FMNL2: variants seen among roughly 807,000 people sequenced by gnomAD.
The protein encoded by FMNL2 is formin like 2.
A neutral mutation model predicts 130.2 loss-of-function variants in FMNL2; 51 were observed. That is an observed-to-expected ratio of 0.39 (90% confidence interval 0.31 to 0.49). FMNL2 has a LOEUF of 0.49. FMNL2 is among the 20% of genes least tolerant of loss of function. FMNL2 has a pLI of 0.85. For missense variants in FMNL2, 977 were observed against 1,316.2 expected (o/e 0.74, Z 3.99); for synonymous variants, 465 against 467.1 (o/e 1.00, Z 0.06).
At chr2:152,506,551 A>G (rs1692180975) in intron 1 of FMNL2, among the ~76,000 whole-genome samples, 2 of 152,146 alleles carry the variant, frequency 1.3e-5, no homozygotes, top group Non-Finnish European at 2.9e-5. Flanking sequence ...TTTTTGATCC[A>G]TGGTTGGTTG....
intron 1 of FMNL2, among the ~76,000 whole-genome samples, chr2:152,379,269 A>G (rs999796949): frequency 6.6e-6 from 1 of 152,154 alleles, no homozygotes; most frequent in Admixed American, 6.5e-5. Flanking sequence ...TAGGGATGCA[A>G]AGTTACAGCT....
intron 3 of FMNL2, among the ~76,000 whole-genome samples, chr2:152,546,147 C>T (rs1260058583): frequency 1.3e-5 from 2 of 152,114 alleles, no homozygotes; most frequent in Non-Finnish European, 2.9e-5. Context: ...TAAGGGATGA[C>T]CTTGCCCCGA....
intron 1 of FMNL2, among the ~76,000 whole-genome samples, chr2:152,478,231 T>C (rs941336961): frequency 7.2e-5 from 8 of 111,668 alleles, no homozygotes; most frequent in Admixed American, 2.2e-4. Flanking sequence ...CATATATACA[T>C]ATATATATAT....
chr2:152,644,231 A>AAAC (rs1449509707), intron 25 of FMNL2, among the ~76,000 whole-genome samples: 2 of 152,214 alleles, frequency 1.3e-5, no homozygotes, highest in East Asian at 3.9e-4. Context: ...AAAAAAACAA[A>AAAC]AACAAAAAAC....
chr2:152,644,970 A>G (rs941927363), intron 25 of FMNL2, among the ~76,000 whole-genome samples: 2 of 152,236 alleles, frequency 1.3e-5, no homozygotes, highest in Non-Finnish European at 2.9e-5. Context: ...GGACGTAGCC[A>G]TTGACTCCTG....
chr2:152,626,400 G>A, intron 16 of FMNL2, 125 bp from the exon 17 acceptor site: 1 of 734,242 alleles, frequency 1.4e-6, no homozygotes, highest in Non-Finnish European at 2.2e-6. Context: ...AATAGAGGAA[G>A]CCATGGCCAA....
At chr2:152,504,661 A>G (rs1480902031) in intron 1 of FMNL2, among the ~76,000 whole-genome samples, 2 of 152,140 alleles carry the variant, frequency 1.3e-5, no homozygotes, top group Non-Finnish European at 2.9e-5. Flanking sequence ...TGGGTTGTTT[A>G]CTGAATGTAA....
chr2:152,523,873 C>T (rs553311668), intron 2 of FMNL2, among the ~76,000 whole-genome samples: 56 of 152,232 alleles, frequency 3.7e-4, no homozygotes, highest in African/African-American at 1.2e-3. Flanking sequence ...GTGCTTGAAA[C>T]GTGCTTATTG....
At chr2:152,408,407 T>C (rs1302096183) in intron 1 of FMNL2, among the ~76,000 whole-genome samples, 1 of 152,102 alleles carries the variant, frequency 6.6e-6, no homozygotes, top group South Asian at 2.1e-4. Flanking sequence ...TTCCAGGGAG[T>C]GAGAATTGAA....
rs760047093 is a variant in FMNL2, at chr2:152,648,664, A to G, written c.*759A>G. ...GTAATCAGCATTAGCATTTCTGAGGACCATTATTAATTCTGAGAACAGAAA... is the reference window on the plus strand; with the variant it reads ...GTAATCAGCATTAGCATTTCTGAGGGCCATTATTAATTCTGAGAACAGAAA... On this transcript the variant is annotated 3_prime_UTR_variant, in exon 26 of 26. Transcript: ENST00000288670. 6.6e-6 allele frequency: 1 copy of G among 152,654 alleles called. No homozygotes were observed. The highest frequency in any genetic ancestry group is 6.5e-5 in the Admixed American group (1 of 15,276). 9.5% of individuals were successfully genotyped at this position (152,654 alleles called of 1,614,324 possible).
intron 11 of FMNL2, among the ~76,000 whole-genome samples, chr2:152,613,772 T>A (rs964160597): frequency 6.6e-6 from 1 of 152,224 alleles, no homozygotes; most frequent in Admixed American, 6.5e-5. Context: ...GTTCAATAAA[T>A]GTTGATTGGC....
chr2:152,444,687 A>G (rs988328120), intron 1 of FMNL2, among the ~76,000 whole-genome samples: 1 of 152,172 alleles, frequency 6.6e-6, no homozygotes, highest in Admixed American at 6.5e-5. Flanking sequence ...AGTGGAGACA[A>G]AAGGCCCTGT....
intron 1 of FMNL2, among the ~76,000 whole-genome samples, chr2:152,466,896 T>C (rs989407580): frequency 6.6e-6 from 1 of 152,142 alleles, no homozygotes; most frequent in Admixed American, 6.5e-5. Context: ...TTTTGGTTGG[T>C]GTTCTAAGGC....
chr2:152,630,177 A>G (rs1283353708), intron 20 of FMNL2, among the ~76,000 whole-genome samples: 2 of 152,230 alleles, frequency 1.3e-5, no homozygotes, highest in Non-Finnish European at 2.9e-5. Flanking sequence ...AACAATCTAA[A>G]GGTCTAACTG....
chr2:152,348,688 G>T (rs887032477), intron 1 of FMNL2, among the ~76,000 whole-genome samples: 2 of 152,174 alleles, frequency 1.3e-5, no homozygotes, highest in African/African-American at 4.8e-5. Context: ...AGCAGAAGAG[G>T]AGGAGGGCAG....
intron 1 of FMNL2, among the ~76,000 whole-genome samples, chr2:152,402,638 C>T (rs1396889386): frequency 6.6e-6 from 1 of 152,230 alleles, no homozygotes; most frequent in African/African-American, 2.4e-5. Flanking sequence ...CTCTCCCTTG[C>T]ACACAGCTCT....
intron 1 of FMNL2, among the ~76,000 whole-genome samples, chr2:152,451,880 T>TG (rs1430155929): frequency 6.6e-6 from 1 of 152,076 alleles, no homozygotes; most frequent in Non-Finnish European, 1.5e-5. Flanking sequence ...TGGGGTAAGT[T>TG]TGGAGGGAAA....
chr2:152,512,953 G>A (rs1418461802), intron 1 of FMNL2, among the ~76,000 whole-genome samples: 2 of 152,198 alleles, frequency 1.3e-5, no homozygotes, highest in Non-Finnish European at 2.9e-5. Flanking sequence ...TTCTGTATGT[G>A]TATTCACACA....
chr2:152,390,239 G>T, intron 1 of FMNL2: 1 of 1,451,360 alleles, frequency 6.9e-7, no homozygotes, highest in South Asian at 1.2e-5. Flanking sequence ...ACATGGTGGT[G>T]GACATCCAGG....
Sources: gnomAD v4.1 joint callset for allele counts (sites outside exome capture counted in the v4.1 genomes callset) on GRCh38, gnomAD v4.1.1 for gene constraint, MANE v1.5 for transcripts, NCBI Gene and HGNC (gene_info 2026-07-23, HGNC 2026-07-21) for gene names.